The following LIN54 variants were observed in gnomAD, a reference collection of about 807,000 sequenced individuals.
LIN54 encodes protein lin-54 homolog.
A neutral mutation model predicts 78.7 loss-of-function variants in LIN54; 9 were observed. That is an observed-to-expected ratio of 0.11 (90% CI 0.07 to 0.20). LIN54 has a LOEUF of 0.20. LIN54 is among the 10% of genes least tolerant of loss of function. LIN54 has a pLI of 1.00. For missense variants in LIN54, 573 were observed against 889.9 expected, an observed-to-expected ratio of 0.64 and a Z score of 4.53; for synonymous variants, 269 against 318.4, an observed-to-expected ratio of 0.84 and a Z score of 1.65.
intron 4 of LIN54, among the ~76,000 whole-genome samples, chr4:82,964,452 C>T (rs997427481): frequency 1.3e-5 from 2 of 152,164 alleles, no homozygotes; most frequent in African/African-American, 2.4e-5. Context: ...TGTACCATTA[C>T]ATAAAGTTTG....
chr4:82,930,091 G>T (rs1356516836), intron 12 of LIN54, among the ~76,000 whole-genome samples: 1 of 152,078 alleles, frequency 6.6e-6, no homozygotes, highest in African/African-American at 2.4e-5. Flanking sequence ...TAGAGATGGG[G>T]TTTCACCATG....
At chr4:82,975,718 A>G (rs2126077615) in intron 3 of LIN54, among the ~76,000 whole-genome samples, 1 of 152,228 alleles carries the variant, frequency 6.6e-6, no homozygotes, top group Admixed American at 6.5e-5. Context: ...CATCTAAAAA[A>G]AAAAAGAGAG....
At chr4:82,974,790 C>T (rs916990708) in intron 3 of LIN54, among the ~76,000 whole-genome samples, 1 of 150,268 alleles carries the variant, frequency 6.7e-6, no homozygotes, top group Non-Finnish European at 1.5e-5. Context: ...ACCCGGGAGG[C>T]ACAGGTTGCA....
chr4:82,981,782 G>T (rs1299076554), intron 2 of LIN54, among the ~76,000 whole-genome samples: 1 of 151,964 alleles, frequency 6.6e-6, no homozygotes, highest in Non-Finnish European at 1.5e-5. Context: ...TGTAATCCCA[G>T]CACTTTTGAG....
chr4:82,968,548 G>A (rs1189581355), intron 4 of LIN54, among the ~76,000 whole-genome samples: 1 of 151,658 alleles, frequency 6.6e-6, no homozygotes, highest in Non-Finnish European at 1.5e-5. Flanking sequence ...TGAGCTACTA[G>A]TGTAGTTCAA....
intron 5 of LIN54, among the ~76,000 whole-genome samples, chr4:82,942,059 G>C (rs1281515777): frequency 2.0e-5 from 3 of 152,230 alleles, no homozygotes; most frequent in Non-Finnish European, 2.9e-5. Context: ...GTCTGAAAGA[G>C]AGGTTGAGAG....
At chr4:82,953,536 G>A (rs940718821) in intron 4 of LIN54, among the ~76,000 whole-genome samples, 4 of 152,118 alleles carry the variant, frequency 2.6e-5, no homozygotes, top group African/African-American at 7.2e-5. Context: ...GCTGAGATGG[G>A]AGGATCATTT....
intron 10 of LIN54, 53 bp downstream of exon 10, chr4:82,936,226 A>C: frequency 6.6e-7 from 1 of 1,521,714 alleles, no homozygotes; most frequent in Non-Finnish European, 9.0e-7. Flanking sequence ...GAGTTTTATA[A>C]AACTGATGAA....
At chr4:82,938,629 C>G (rs540950759) in intron 7 of LIN54, 125 bp from the exon 8 acceptor site, 2 of 618,376 alleles carry the variant, frequency 3.2e-6, no homozygotes, top group African/African-American at 3.7e-5. Flanking sequence ...GAGAATATCA[C>G]ACAAACACAT....
intron 5 of LIN54, chr4:82,944,843 C>T (rs1723228843): frequency 6.6e-6 from 1 of 152,126 alleles, no homozygotes. Context: ...CTTCAGACTA[C>T]CCTCTGATCT....
In LIN54 at chr4:82,948,714, A is replaced by C. The variant is rs888990712; in HGVS notation, c.952-2240T>G. Among the ~76,000 whole-genome samples the C allele has an allele frequency of 2.7e-5, 4 of 147,346 alleles. No homozygotes were observed. In the South Asian group the frequency reaches 8.9e-4, roughly 33 times the overall value. ...AGTTCCTCTGCTACCCCCACCCAGT[A>C]ACCAGTTTTATCTTCTATCTCTGTA... On this transcript the variant is annotated intron_variant, in intron 4 of 12. Transcript: ENST00000340417.
chr4:82,946,609 C>T (rs1480086384), intron 4 of LIN54, 135 bp from the exon 5 acceptor site: 3 of 666,586 alleles, frequency 4.5e-6, no homozygotes, highest in Non-Finnish European at 7.6e-6. Flanking sequence ...ACAACCTGTT[C>T]AAAGAGAAAT....
chr4:82,965,914 C>T (rs747324792), intron 4 of LIN54, among the ~76,000 whole-genome samples: 8 of 152,184 alleles, frequency 5.3e-5, no homozygotes, highest in Non-Finnish European at 1.2e-4. Flanking sequence ...AGGAGATCTT[C>T]AGCAAATCCT....
chr4:83,009,856 A>G (rs1718391873), intron 1 of LIN54, among the ~76,000 whole-genome samples: 1 of 152,186 alleles, frequency 6.6e-6, no homozygotes, highest in Non-Finnish European at 1.5e-5. Context: ...ATTTTTCATA[A>G]CTTTACTCTC....
chr4:83,011,629 G>A (rs1729858690), upstream of LIN54, among the ~76,000 whole-genome samples: 1 of 151,696 alleles, frequency 6.6e-6, no homozygotes, highest in Non-Finnish European at 1.5e-5. Context: ...TATTTGTTCT[G>A]TACAGTAAAA....
intron 1 of LIN54, among the ~76,000 whole-genome samples, chr4:83,003,081 T>A (rs1729006932): frequency 1.3e-5 from 2 of 152,182 alleles, no homozygotes; most frequent in African/African-American, 4.8e-5. Context: ...TGGCGTGATC[T>A]CCACTCACTG....
At chr4:83,000,246 TAA>T (rs1728641951) in intron 1 of LIN54, among the ~76,000 whole-genome samples, 1 of 152,140 alleles carries the variant, frequency 6.6e-6, no homozygotes, top group South Asian at 2.1e-4. Context: ...AAGAATGCCA[TAA>T]AAGACATTTA....
At chr4:82,932,657 TAAAAAAA>T (rs780756470) in intron 11 of LIN54, among the ~76,000 whole-genome samples, 2 of 132,720 alleles carry the variant, frequency 1.5e-5, no homozygotes, top group African/African-American at 5.5e-5. Context: ...CATCTCTCTT[TAAAAAAA>T]AAAAAAAAAA....
intron 1 of LIN54, among the ~76,000 whole-genome samples, chr4:82,990,333 A>G (rs1013053386): frequency 6.6e-6 from 1 of 152,256 alleles, no homozygotes; most frequent in African/African-American, 2.4e-5. Context: ...CTTTTGACTC[A>G]CAGTACAGCA....
Sources: allele counts gnomAD v4.1 joint callset (sites outside exome capture counted in the v4.1 genomes callset), GRCh38; gene constraint gnomAD v4.1.1; transcripts MANE v1.5; gene names NCBI Gene and HGNC (gene_info 2026-07-23, HGNC 2026-07-21).